The following IQUB variants were observed in gnomAD, a reference collection of about 807,000 sequenced individuals.
The protein encoded by IQUB is IQ motif and ubiquitin-like domain-containing protein.
IQUB carries 86 observed loss-of-function variants against 86.4 expected under a neutral mutation model. The observed-to-expected ratio is 1.00, with a 90% CI of 0.84 to 1.19. The LOEUF is 1.19. Among genes scored for constraint, IQUB ranks in the 50% most tolerant of loss-of-function variants. IQUB has a pLI of 0.00. For synonymous variants in IQUB, 289 were observed against 304.5 expected (o/e 0.95, Z 0.53); for missense variants, 946 against 916.9 (o/e 1.03, Z -0.41).
intron 1 of IQUB, among the ~76,000 whole-genome samples, chr7:123,525,026 C>G (rs973198019): frequency 2.0e-5 from 3 of 152,196 alleles, no homozygotes; most frequent in Admixed American, 2.0e-4. Context: ...TATATTGAAC[C>G]AGGCTTGTAT....
intron 1 of IQUB, among the ~76,000 whole-genome samples, chr7:123,518,783 A>G (rs990964433): frequency 6.6e-6 from 1 of 152,058 alleles, no homozygotes; most frequent in Non-Finnish European, 1.5e-5. Context: ...TAGTAGATAC[A>G]CAGTTTCACT....
In IQUB at chr7:123,461,517, G is replaced by C; in HGVS notation, c.1847C>G (p.Ser616Ter). The C allele has an allele frequency of 6.2e-7, 1 of 1,612,136 alleles. No individual in the cohort carries two copies. The highest frequency in any genetic ancestry group is 8.5e-7 in the Non-Finnish European group (1 of 1,178,848). ...LYLPSTEFSV[S>*]STSRRIYRCR... The stretch of plus-strand genomic sequence containing the variant: ...CCGGTATATGCGGCGTGAGGTGGAT[G>C]ATACAGAAAATTCTGTAGAAGGCAA... Residue 616 changes from serine (S) to a stop codon, truncating the protein, a stop_gained, in exon 11 of 13, where the codon TCA becomes TGA. Coordinates refer to ENST00000324698, the MANE Select transcript of IQUB (RefSeq NM_178827.5). LOFTEE classifies it high-confidence loss of function.
intron 1 of IQUB, among the ~76,000 whole-genome samples, chr7:123,523,928 C>T (rs1385408277): frequency 6.6e-6 from 1 of 152,110 alleles, no homozygotes; most frequent in Non-Finnish European, 1.5e-5. Flanking sequence ...ATATGGCTAG[C>T]CAGTTTTCCC....
chr7:123,475,921 C>G (rs931411107), intron 8 of IQUB, among the ~76,000 whole-genome samples: 1 of 152,172 alleles, frequency 6.6e-6, no homozygotes, highest in African/African-American at 2.4e-5. Flanking sequence ...AATATTATAG[C>G]TTTCCTACAG....
intron 8 of IQUB, among the ~76,000 whole-genome samples, chr7:123,472,869 TGATAACA>T (rs1402629817): frequency 6.6e-6 from 1 of 152,240 alleles, no homozygotes; most frequent in East Asian, 1.9e-4. Context: ...GCTTTGGCTG[TGATAACA>T]GATATACAAC....
intron 6 of IQUB, among the ~76,000 whole-genome samples, chr7:123,498,396 T>C (rs553789058): frequency 2.6e-5 from 4 of 152,146 alleles, no homozygotes; most frequent in South Asian, 2.1e-4. Context: ...AGACTAGATA[T>C]AGTTAATATT....
chr7:123,503,223 T>C lies in IQUB; in HGVS notation c.673A>G (p.Ile225Val). 6.2e-7 allele frequency: 1 copy of C among 1,611,804 alleles called. No homozygotes were observed. The highest frequency in any genetic ancestry group is 2.2e-5 in the East Asian group (1 of 44,796). The change falls in exon 4 of 13, where the codon ATA becomes GTA. Residue 225 changes from isoleucine (I) to valine (V), a missense_variant. Coordinates refer to ENST00000324698, the MANE Select transcript of IQUB (RefSeq NM_178827.5). ...GAACCAGTTTGGACAGTGACAGTTA[T>C]GATTTGAGAGACATCAGTTAATCCA... Reference protein sequence around the residue: ...IDGLTDVSQIITVTVQTGLDQ... With the variant: ...IDGLTDVSQIVTVTVQTGLDQ...
At chr7:123,509,057 A>C (rs922711781) in intron 3 of IQUB, among the ~76,000 whole-genome samples, 2 of 152,190 alleles carry the variant, frequency 1.3e-5, no homozygotes, top group Admixed American at 6.5e-5. Flanking sequence ...TCTTACATTT[A>C]CTATAATAGA....
At chr7:123,491,326 G>A (rs1795450789) in intron 7 of IQUB, among the ~76,000 whole-genome samples, 1 of 151,892 alleles carries the variant, frequency 6.6e-6, no homozygotes, top group Non-Finnish European at 1.5e-5. Context: ...GGAGTAAACT[G>A]AACCAAAGGT....
At chr7:123,529,544 C>G (rs948053404) in intron 1 of IQUB, among the ~76,000 whole-genome samples, 1 of 149,902 alleles carries the variant, frequency 6.7e-6, no homozygotes, top group South Asian at 2.1e-4. Context: ...TGTTAAAGAT[C>G]GAACTTTTAA....
intron 1 of IQUB, among the ~76,000 whole-genome samples, chr7:123,526,468 CTTTTGATCTTT>C (rs984134586): frequency 2.6e-5 from 4 of 152,074 alleles, no homozygotes; most frequent in African/African-American, 9.7e-5. Context: ...TTCTTTGTAT[CTTTTGATCTTT>C]GTTGGTTTAA....
chr7:123,459,802 G>A (rs1793899461), intron 11 of IQUB: 1 of 151,954 alleles, frequency 6.6e-6, no homozygotes, highest in Non-Finnish European at 1.5e-5. Flanking sequence ...CATCTGTCAT[G>A]TCAATAATTC....
intron 1 of IQUB, among the ~76,000 whole-genome samples, chr7:123,519,207 G>A (rs1192396667): frequency 2.0e-5 from 3 of 152,104 alleles, no homozygotes; most frequent in Admixed American, 2.0e-4. Flanking sequence ...CACTGTTAGC[G>A]GGAAATGTAA....
At chr7:123,459,167 T>C (rs541096855) in intron 11 of IQUB, among the ~76,000 whole-genome samples, 2 of 152,056 alleles carry the variant, frequency 1.3e-5, no homozygotes, top group Admixed American at 1.3e-4. Context: ...ATAGATACGG[T>C]ACTGAAATTA....
At chr7:123,472,332 C>T (rs943507554) in intron 8 of IQUB, among the ~76,000 whole-genome samples, 1 of 152,000 alleles carries the variant, frequency 6.6e-6, no homozygotes, top group Non-Finnish European at 1.5e-5. Flanking sequence ...ACAGTGTCTA[C>T]AATACTCTTT....
chr7:123,510,116 A>C, intron 2 of IQUB, 81 bp from the exon 3 acceptor site: 1 of 843,376 alleles, frequency 1.2e-6, no homozygotes, highest in Non-Finnish European at 1.8e-6. Flanking sequence ...CAGATACAGA[A>C]TTATGTGTTA....
Position 123,493,723 on chromosome 7 carries a change from G to A in IQUB, c.1234+2973C>T, listed in dbSNP as rs1274366263. Among the ~76,000 whole-genome samples, 7 of 130,882 alleles carry A rather than the reference G, an allele frequency of 5.3e-5. No homozygotes were observed. In the East Asian group the frequency reaches 1.5e-3, roughly 28 times the overall value. 85.9% of individuals were successfully genotyped at this position (130,882 alleles called of 152,430 possible). Reference sequence around the variant, plus strand: ...GCTAGGTTTACACCCTGAGAGAAATGTGTGTGTATGTGTGTGTGTGTGTGT... The same window carrying A: ...GCTAGGTTTACACCCTGAGAGAAATATGTGTGTATGTGTGTGTGTGTGTGT... On this transcript the variant is annotated intron_variant, in intron 7 of 12. Coordinates refer to ENST00000324698, the MANE Select transcript of IQUB (RefSeq NM_178827.5).
chr7:123,478,424 G>T (rs1326116963), intron 8 of IQUB, among the ~76,000 whole-genome samples: 1 of 152,100 alleles, frequency 6.6e-6, no homozygotes, highest in African/African-American at 2.4e-5. Context: ...GCCTGTCATG[G>T]GGTGGGAAGC....
chr7:123,502,836 CT>C, intron 5 of IQUB, 84 bp from the exon 6 acceptor site: 1 of 1,369,438 alleles, frequency 7.3e-7, no homozygotes, highest in Non-Finnish European at 1.0e-6. Flanking sequence ...AGTTCATTTT[CT>C]TTTATTAATT....
Sources: gnomAD v4.1 joint callset for allele counts (sites outside exome capture counted in the v4.1 genomes callset) on GRCh38, gnomAD v4.1.1 for gene constraint, MANE v1.5 for transcripts, NCBI Gene and HGNC (gene_info 2026-07-23, HGNC 2026-07-21) for gene names.